ATE1: variants seen among roughly 807,000 people sequenced by gnomAD.
The protein encoded by ATE1 is arginyltransferase 1.
A neutral mutation model predicts 70.5 loss-of-function variants in ATE1; 36 were observed. That is an observed-to-expected ratio of 0.51 (90% CI 0.39 to 0.67). The LOEUF (loss-of-function observed/expected upper bound fraction) is 0.67, where lower values mean the gene tolerates loss of function less well. Among genes scored for constraint, ATE1 ranks in the 30% least tolerant of loss-of-function variants. ATE1 has a pLI of 0.00. For synonymous variants in ATE1, 232 were observed against 219.3 expected (o/e 1.06, Z -0.51); for missense variants, 593 against 629.5 (o/e 0.94, Z 0.62).
At chr10:121,911,737 T>A (rs1269723998) in intron 4 of ATE1, among the ~76,000 whole-genome samples, 1 of 149,780 alleles carries the variant, frequency 6.7e-6, no homozygotes, top group African/African-American at 2.4e-5. Context: ...TGAACTGTTA[T>A]GTGAGGAAAG....
chr10:121,889,313 T>C (rs1950506798), intron 7 of ATE1, among the ~76,000 whole-genome samples: 1 of 152,100 alleles, frequency 6.6e-6, no homozygotes, highest in Admixed American at 6.6e-5. Flanking sequence ...ATCTGATTAC[T>C]AGATAACAAC....
intron 11 of ATE1, among the ~76,000 whole-genome samples, chr10:121,755,061 G>A (rs932942497): frequency 6.6e-6 from 1 of 152,126 alleles, no homozygotes; most frequent in African/African-American, 2.4e-5. Flanking sequence ...GACAAAAGGG[G>A]CCTAAAAAGA....
chr10:121,910,858 C>G (rs751264518), intron 5 of ATE1, 48 bp downstream of exon 5: 2 of 1,611,302 alleles, frequency 1.2e-6, no homozygotes, highest in South Asian at 2.2e-5. Flanking sequence ...AATGACTCAG[C>G]AAAAAGCAAA....
At chr10:121,841,657 C>A (rs1463377829) in intron 8 of ATE1, among the ~76,000 whole-genome samples, 2 of 152,114 alleles carry the variant, frequency 1.3e-5, no homozygotes, top group African/African-American at 4.8e-5. Context: ...TAAGTGAAGT[C>A]ACCCAGGAAT....
intron 1 of ATE1, among the ~76,000 whole-genome samples, chr10:121,924,826 C>T (rs1463844387): frequency 6.7e-6 from 1 of 150,180 alleles, no homozygotes; most frequent in Non-Finnish European, 1.5e-5. Context: ...TAAAGAATGA[C>T]ACTATATATA....
rs1161955900 is a variant in ATE1 at position 121,899,755 on chromosome 10, C to A, written c.942+111G>T. On this transcript the variant is annotated intron_variant, in intron 7 of 11. Coordinates refer to ENST00000224652, the MANE Select transcript of ATE1 (RefSeq NM_001001976.3). Reference sequence around the variant, plus strand: ...GTCTTAGGTCTTTGCAGATATGCTGCAAATTGAACACAAATAAAATGTAGC... The same window carrying A: ...GTCTTAGGTCTTTGCAGATATGCTGAAAATTGAACACAAATAAAATGTAGC... 1.6e-5 allele frequency: 23 copies of A among 1,463,142 alleles called. No homozygotes were observed. The East Asian group carries it at 4.6e-4, about 30-fold the overall frequency. 90.6% of individuals were successfully genotyped at this position (1,463,142 alleles called of 1,614,324 possible). A position where few individuals can be genotyped will look rare whatever the true frequency, so the allele number is the denominator to read the frequency against.
chr10:121,901,334 G>C (rs180832202), intron 6 of ATE1, among the ~76,000 whole-genome samples: 1 of 152,098 alleles, frequency 6.6e-6, no homozygotes, highest in Non-Finnish European at 1.5e-5. Context: ...ATGCATGAAA[G>C]TTAATTTTTA....
intron 10 of ATE1, among the ~76,000 whole-genome samples, chr10:121,805,646 CAACT>C (rs1947066890): frequency 6.6e-6 from 1 of 152,136 alleles, no homozygotes; most frequent in South Asian, 2.1e-4. Context: ...ATTTACAGTT[CAACT>C]GTCAGCAGCT....
chr10:121,894,354 G>C (rs531981928), intron 7 of ATE1, among the ~76,000 whole-genome samples: 1 of 152,164 alleles, frequency 6.6e-6, no homozygotes, highest in Admixed American at 6.5e-5. Flanking sequence ...GTCTAAAAGA[G>C]GCACACTTTA....
At chr10:121,813,859 G>A (rs929669130) in intron 10 of ATE1, among the ~76,000 whole-genome samples, 1 of 152,150 alleles carries the variant, frequency 6.6e-6, no homozygotes, top group Non-Finnish European at 1.5e-5. Flanking sequence ...AGACTCCTTT[G>A]AAAACCAGAA....
At chr10:121,926,606 T>C (rs1952100615) in intron 1 of ATE1, 1 of 562,044 alleles carries the variant, frequency 1.8e-6, no homozygotes, top group Non-Finnish European at 2.3e-6. Context: ...AAATAAGTAA[T>C]GACCTATTAA....
intron 10 of ATE1, among the ~76,000 whole-genome samples, chr10:121,836,217 T>C (rs1024989652): frequency 6.6e-6 from 1 of 152,186 alleles, no homozygotes; most frequent in African/African-American, 2.4e-5. Flanking sequence ...CCTAGGCCAC[T>C]GACCAGACCA....
At chr10:121,866,115 A>G (rs1434321001) in intron 8 of ATE1, among the ~76,000 whole-genome samples, 1 of 152,194 alleles carries the variant, frequency 6.6e-6, no homozygotes, top group Non-Finnish European at 1.5e-5. Flanking sequence ...AAACATTCAG[A>G]GATTCCCAGC....
intron 10 of ATE1, among the ~76,000 whole-genome samples, chr10:121,805,227 T>C (rs897273020): frequency 1.3e-5 from 2 of 152,212 alleles, no homozygotes; most frequent in African/African-American, 4.8e-5. Context: ...CCAAATGTAC[T>C]ATGAGCATGA....
intron 10 of ATE1, among the ~76,000 whole-genome samples, chr10:121,824,604 T>C (rs1400486209): frequency 6.6e-6 from 1 of 152,190 alleles, no homozygotes; most frequent in Non-Finnish European, 1.5e-5. Context: ...TTTTGTTTCT[T>C]TTCTGACATT....
chr10:121,752,049 T>C (rs1944602521), intron 11 of ATE1, among the ~76,000 whole-genome samples: 1 of 150,836 alleles, frequency 6.6e-6, no homozygotes, highest in Non-Finnish European at 1.5e-5. Context: ...ACAAAAAAAT[T>C]AGCCAGGCAC....
At chr10:121,884,670 T>G (rs1033543181) in intron 7 of ATE1, among the ~76,000 whole-genome samples, 3 of 152,156 alleles carry the variant, frequency 2.0e-5, no homozygotes, top group Non-Finnish European at 4.4e-5. Context: ...ATGTTCCCAG[T>G]GCTAGTTTTG....
chr10:121,786,646 A>AG (rs951198886), intron 11 of ATE1, among the ~76,000 whole-genome samples: 3 of 151,718 alleles, frequency 2.0e-5, no homozygotes, highest in African/African-American at 7.3e-5. Context: ...CCTCAAAAAA[A>AG]AAAAAAATCT....
chr10:121,910,247 G>C (rs1207016255), intron 5 of ATE1, among the ~76,000 whole-genome samples: 1 of 152,028 alleles, frequency 6.6e-6, no homozygotes, highest in Admixed American at 6.6e-5. Flanking sequence ...TGGATCATTT[G>C]GCATAAATAT....
Sources: allele counts gnomAD v4.1 joint callset (sites outside exome capture counted in the v4.1 genomes callset), GRCh38; gene constraint gnomAD v4.1.1; transcripts MANE v1.5; gene names NCBI Gene and HGNC (gene_info 2026-07-23, HGNC 2026-07-21).